The following GALNT2 variants were observed in gnomAD, a reference collection of about 807,000 sequenced individuals.
GALNT2 encodes polypeptide N-acetylgalactosaminyltransferase 2, also known as UDP-GalNAc:polypeptide N-acetylgalactosaminyltransferase 2.
Under a neutral mutation model 81.4 loss-of-function variants are expected in GALNT2, and 31 were observed. The observed-to-expected ratio is 0.38, with a 90% confidence interval of 0.29 to 0.51. The LOEUF (loss-of-function observed/expected upper bound fraction) is 0.51. GALNT2 is among the 20% of genes least tolerant of loss of function. The pLI is 0.87. For missense variants in GALNT2, 629 were observed against 765.7 expected, an observed-to-expected ratio of 0.82 and a Z score of 2.11; for synonymous variants, 303 against 287.4, an observed-to-expected ratio of 1.05 and a Z score of -0.55.
intron 1 of GALNT2, among the ~76,000 whole-genome samples, chr1:230,137,331 C>T (rs972949324): frequency 2.0e-5 from 3 of 152,274 alleles, no homozygotes; most frequent in East Asian, 1.9e-4. Flanking sequence ...TGGATATGGC[C>T]GAAGCCACTT....
chr1:230,166,449 G>A (rs749272726), intron 1 of GALNT2, among the ~76,000 whole-genome samples: 2 of 152,180 alleles, frequency 1.3e-5, no homozygotes, highest in Admixed American at 1.3e-4. Flanking sequence ...TCCCACGTGG[G>A]TCATATCATT....
intron 14 of GALNT2, among the ~76,000 whole-genome samples, chr1:230,273,200 G>GA (rs1366331469): frequency 2.0e-5 from 3 of 152,028 alleles, no homozygotes; most frequent in South Asian, 2.1e-4. Context: ...CAAGAACCAA[G>GA]AAAAAAACAG....
At chr1:230,076,651 G>A (rs1659567844) in intron 1 of GALNT2, among the ~76,000 whole-genome samples, 1 of 152,132 alleles carries the variant, frequency 6.6e-6, no homozygotes, top group Admixed American at 6.5e-5. Flanking sequence ...GGGAAGTTGT[G>A]GCTGGTCCTG....
At chr1:230,079,403 A>T (rs1481054615) in intron 1 of GALNT2, among the ~76,000 whole-genome samples, 1 of 152,234 alleles carries the variant, frequency 6.6e-6, no homozygotes, top group Non-Finnish European at 1.5e-5. Flanking sequence ...TCCCACATTC[A>T]CACACAGTTT....
intron 1 of GALNT2, among the ~76,000 whole-genome samples, chr1:230,095,465 C>G (rs1358717763): frequency 6.6e-6 from 1 of 152,208 alleles, no homozygotes; most frequent in Non-Finnish European, 1.5e-5. Context: ...CTGCGGGCTC[C>G]TCAGCCAGGC....
At position 230,113,691 on chromosome 1, in the gene GALNT2, G is replaced by A. The variant is rs74145445; in HGVS notation, c.126+46285G>A. 1.7e-3 allele frequency among the ~76,000 whole-genome samples: 261 copies of A among 152,250 alleles called. 1 individual carries two copies. Among genetic ancestry groups the A allele is most frequent in the African/African-American group, 6.0e-3 (251 of 41,558 alleles). ...TGGGACTTTCCCCAGCACAGACAGC[G>A]TGCGGGATTTCAGATGCTCTTCTCC... On this transcript the variant is annotated intron_variant, in intron 1 of 15. Transcript: ENST00000366672.
chr1:230,168,338 A>C (rs1454157901), intron 1 of GALNT2, among the ~76,000 whole-genome samples: 2 of 152,234 alleles, frequency 1.3e-5, no homozygotes, highest in Non-Finnish European at 2.9e-5. Context: ...GCTGCATGCG[A>C]GTGGCATCCC....
chr1:230,228,788 T>C (rs1664790183), intron 3 of GALNT2, among the ~76,000 whole-genome samples: 1 of 152,152 alleles, frequency 6.6e-6, no homozygotes, highest in Admixed American at 6.5e-5. Flanking sequence ...TTGATTTTCC[T>C]GATGAATTTA....
intron 2 of GALNT2, among the ~76,000 whole-genome samples, chr1:230,186,810 T>G (rs1046201360): frequency 6.6e-5 from 10 of 152,256 alleles, no homozygotes; most frequent in Non-Finnish European, 1.0e-4. Context: ...TAGTAGTAAT[T>G]TTTGATAAAT....
intron 1 of GALNT2, among the ~76,000 whole-genome samples, chr1:230,122,427 C>A (rs190473413): frequency 6.6e-6 from 1 of 152,336 alleles, no homozygotes; most frequent in Admixed American, 6.5e-5. Context: ...CTCCCTCGAC[C>A]TGGTCTCTCA....
intron 3 of GALNT2, among the ~76,000 whole-genome samples, chr1:230,208,299 C>T (rs971372525): frequency 2.0e-5 from 3 of 152,024 alleles, no homozygotes; most frequent in Non-Finnish European, 2.9e-5. Flanking sequence ...ACAGGATGTG[C>T]TAATGGACTG....
intron 1 of GALNT2, among the ~76,000 whole-genome samples, chr1:230,076,907 A>G (rs981871610): frequency 3.9e-5 from 6 of 152,308 alleles, no homozygotes; most frequent in Admixed American, 2.6e-4. Context: ...TCTCTGCGTC[A>G]GAGACCAGTC....
rs6541308 is a variant in GALNT2 at position 230,281,629 on chromosome 1, G to C, written c.*2171G>C. On this transcript the variant is annotated 3_prime_UTR_variant, in exon 16 of 16. Coordinates refer to ENST00000366672, the MANE Select transcript of GALNT2 (RefSeq NM_004481.5). Reference sequence around the variant, plus strand: ...CCTCTCAGCCTTCCTATCATCCCACGTGTCTACCCAGACCCTTGTGCGGCC... The same window carrying C: ...CCTCTCAGCCTTCCTATCATCCCACCTGTCTACCCAGACCCTTGTGCGGCC... 3 of 152,610 alleles carry C rather than the reference G, an allele frequency of 2.0e-5. No individual in the cohort carries two copies. Among genetic ancestry groups the C allele is most frequent in the Non-Finnish European group, 4.4e-5 (3 of 68,078 alleles). The allele number at this position is 152,610 out of a possible 1,614,324, so 9.5% of individuals were successfully genotyped here. A position where few individuals can be genotyped will look rare whatever the true frequency, so the allele number is the denominator to read the frequency against.
intron 2 of GALNT2, among the ~76,000 whole-genome samples, chr1:230,199,117 G>T (rs1051947349): frequency 1.3e-5 from 2 of 152,096 alleles, no homozygotes; most frequent in Admixed American, 6.5e-5. Context: ...TATTTTTAAA[G>T]ATTTTTAAAA....
At chr1:230,203,386 C>A in intron 3 of GALNT2, 96 bp downstream of exon 3, 1 of 1,383,888 alleles carries the variant, frequency 7.2e-7, no homozygotes, top group Non-Finnish European at 1.0e-6. Flanking sequence ...CTCCATTACT[C>A]TGGGAAATTG....
chr1:230,170,188 G>C (rs374691273), intron 1 of GALNT2, among the ~76,000 whole-genome samples: 14 of 152,312 alleles, frequency 9.2e-5, no homozygotes, highest in African/African-American at 3.1e-4. Context: ...AGCTTTCAAA[G>C]CTTGCAGTAG....
intron 15 of GALNT2, among the ~76,000 whole-genome samples, chr1:230,277,371 T>A (rs1666329450): frequency 6.6e-6 from 1 of 152,212 alleles, no homozygotes; most frequent in African/African-American, 2.4e-5. Context: ...ATTTAGCTGA[T>A]GCTTTGACAC....
chr1:230,265,444 C>T (rs1342505389), intron 14 of GALNT2, 77 bp downstream of exon 14: 1 of 1,585,306 alleles, frequency 6.3e-7, no homozygotes, highest in African/African-American at 1.3e-5. Context: ...GTTAGAAGTC[C>T]CAGCTGCCAC....
chr1:230,166,927 C>G (rs1662621212), intron 1 of GALNT2, among the ~76,000 whole-genome samples: 1 of 152,156 alleles, frequency 6.6e-6, no homozygotes, highest in Non-Finnish European at 1.5e-5. Flanking sequence ...ATTAGTCCCT[C>G]TCACTCACAC....
Sources: gnomAD v4.1 joint callset for allele counts (sites outside exome capture counted in the v4.1 genomes callset) on GRCh38, gnomAD v4.1.1 for gene constraint, MANE v1.5 for transcripts, NCBI Gene and HGNC (gene_info 2026-07-23, HGNC 2026-07-21) for gene names.